Variants in ASB3 observed in about 807,000 individuals in gnomAD.
ASB3 encodes the protein ankyrin repeat and SOCS box containing 3.
ASB3 carries 41 observed loss-of-function variants against 54.5 expected under a neutral mutation model. That is an observed-to-expected ratio of 0.75 (90% CI 0.59 to 0.98). ASB3 has a LOEUF of 0.98. Among genes scored for constraint, ASB3 ranks in the 50% least tolerant of loss-of-function variants. The pLI is 0.00. For missense variants in ASB3, 733 were observed against 620.0 expected (o/e 1.18, Z -1.94); for synonymous variants, 266 against 221.2 (o/e 1.20, Z -1.80).
chr2:53,784,822 G>A (rs1262352916), intron 1 of ASB3, among the ~76,000 whole-genome samples: 3 of 152,164 alleles, frequency 2.0e-5, no homozygotes, highest in Non-Finnish European at 4.4e-5. Context: ...CACACTCACA[G>A]GTTCTAGGGG....
intron 5 of ASB3, among the ~76,000 whole-genome samples, chr2:53,721,524 T>C (rs1292368228): frequency 6.6e-6 from 1 of 151,992 alleles, no homozygotes; most frequent in Non-Finnish European, 1.5e-5. Flanking sequence ...TGAGCCTAGA[T>C]GGTGCCACTG....
chr2:53,694,295 C>G (rs997702319), intron 8 of ASB3: 3 of 291,638 alleles, frequency 1.0e-5, no homozygotes, highest in Non-Finnish European at 1.9e-5. Flanking sequence ...GGTGACAGCA[C>G]CAATGACATC....
At chr2:53,713,586 G>T (rs13432632) in intron 7 of ASB3, among the ~76,000 whole-genome samples, 79,024 of 152,024 alleles carry the variant, frequency 0.52, 20,737 homozygotes, top group East Asian at 0.63. Context: ...ATTTGGGGGC[G>T]TTTAAAAACT....
intron 7 of ASB3, among the ~76,000 whole-genome samples, chr2:53,706,286 T>C (rs1041939463): frequency 6.6e-6 from 1 of 152,216 alleles, no homozygotes; most frequent in Non-Finnish European, 1.5e-5. Context: ...GCTAATCTGA[T>C]ATAATTATTG....
rs116724683 is a variant in ASB3, at chr2:53,731,692, G to A, written c.356-2122C>T. 4.0e-3 allele frequency among the ~76,000 whole-genome samples: 606 copies of A among 152,022 alleles called. 7 individuals carry two copies. Among genetic ancestry groups the A allele is most frequent in the African/African-American group, 0.014 (569 of 41,472 alleles). On this transcript the variant is annotated intron_variant, in intron 3 of 9. Transcript: ENST00000263634. ...TTTTTGAGACAAGCCTCGCTCTGTC[G>A]CCCAGGCTGGAATGCAATGGCGTGA...
intron 7 of ASB3, among the ~76,000 whole-genome samples, chr2:53,707,925 G>A (rs1442234128): frequency 2.1e-5 from 3 of 145,826 alleles, no homozygotes; most frequent in Non-Finnish European, 4.5e-5. Flanking sequence ...TGGTGTCACT[G>A]CCCTCCAGCC....
chr2:53,744,092 G>C (rs1022062248), intron 3 of ASB3, among the ~76,000 whole-genome samples: 2 of 147,678 alleles, frequency 1.4e-5, no homozygotes, highest in African/African-American at 5.0e-5. Context: ...AACATAGAAA[G>C]GTGGCTGGGC....
intron 3 of ASB3, among the ~76,000 whole-genome samples, chr2:53,730,866 G>A (rs1671269069): frequency 6.6e-6 from 1 of 152,108 alleles, no homozygotes; most frequent in African/African-American, 2.4e-5. Flanking sequence ...GAGGCAGGAA[G>A]TGGGAATCAA....
intron 8 of ASB3, among the ~76,000 whole-genome samples, chr2:53,699,014 C>T (rs1336974322): frequency 6.6e-6 from 1 of 152,156 alleles, no homozygotes; most frequent in Non-Finnish European, 1.5e-5. Context: ...TAACTCAATA[C>T]CTGAGACTGG....
chr2:53,676,942 T>TA (rs1434811612), intron 9 of ASB3, among the ~76,000 whole-genome samples: 1 of 152,036 alleles, frequency 6.6e-6, no homozygotes, highest in African/African-American at 2.4e-5. Flanking sequence ...TTAATTTTTG[T>TA]ATTTTTGGTA....
At chr2:53,727,774 G>A (rs1048131512) in intron 5 of ASB3, among the ~76,000 whole-genome samples, 4 of 152,082 alleles carry the variant, frequency 2.6e-5, no homozygotes, top group African/African-American at 7.2e-5. Flanking sequence ...TGCCCAGGCT[G>A]GAGTGCAGTG....
chr2:53,677,482 T>C (rs1017267002), intron 9 of ASB3, among the ~76,000 whole-genome samples: 1 of 151,036 alleles, frequency 6.6e-6, no homozygotes, highest in Non-Finnish European at 1.5e-5. Context: ...ACTTTCTATC[T>C]GCAGGTTTTT....
intron 3 of ASB3, among the ~76,000 whole-genome samples, chr2:53,734,918 GTT>G (rs35847412): frequency 9.5e-4 from 114 of 119,604 alleles, no homozygotes; most frequent in Admixed American, 3.6e-3. Flanking sequence ...CTTTATACAA[GTT>G]TTTTTTTTTT....
intron 3 of ASB3, among the ~76,000 whole-genome samples, chr2:53,747,936 C>A (rs760212049): frequency 1.3e-5 from 2 of 152,160 alleles, no homozygotes; most frequent in Non-Finnish European, 1.5e-5. Flanking sequence ...GATTAGGAAA[C>A]CTTTTGTCAA....
chr2:53,767,942 A>G, intron 1 of ASB3: 1 of 1,614,118 alleles, frequency 6.2e-7, no homozygotes, highest in East Asian at 2.2e-5. Context: ...CCCTATCAGG[A>G]CAAGCTGGTC....
chr2:53,706,688 G>A (rs573951049), intron 7 of ASB3, among the ~76,000 whole-genome samples: 1 of 152,020 alleles, frequency 6.6e-6, no homozygotes, highest in East Asian at 1.9e-4. Context: ...CTCGTGATCC[G>A]CCCACCTTGC....
At chr2:53,706,940 G>C (rs967072852) in intron 7 of ASB3, among the ~76,000 whole-genome samples, 13 of 152,154 alleles carry the variant, frequency 8.5e-5, no homozygotes, top group African/African-American at 2.7e-4. Context: ...ATTGTCTTTA[G>C]GAACACTGGG....
chr2:53,709,901 C>T (rs1669994720), intron 7 of ASB3, among the ~76,000 whole-genome samples: 1 of 152,168 alleles, frequency 6.6e-6, no homozygotes, highest in South Asian at 2.1e-4. Context: ...ACCTCTTCCT[C>T]TGAGGGAATC....
At chr2:53,719,656 G>C (rs1025939738) in intron 5 of ASB3, among the ~76,000 whole-genome samples, 1 of 151,378 alleles carries the variant, frequency 6.6e-6, no homozygotes, top group Non-Finnish European at 1.5e-5. Context: ...CTCCAAGCTT[G>C]TGATAAGCCC....
Sources: gnomAD v4.1 joint callset for allele counts (sites outside exome capture counted in the v4.1 genomes callset) on GRCh38, gnomAD v4.1.1 for gene constraint, MANE v1.5 for transcripts, NCBI Gene and HGNC (gene_info 2026-07-23, HGNC 2026-07-21) for gene names.